The following DNAAF11 variants were observed in gnomAD, a reference collection of about 807,000 sequenced individuals.
DNAAF11 encodes the protein dynein axonemal assembly factor 11, also known as leucine rich repeat containing 6.
Under a neutral mutation model 60.8 loss-of-function variants are expected in DNAAF11, and 45 were observed. The ratio of observed to expected loss-of-function variants is 0.74; its 90% CI spans 0.58 to 0.95. DNAAF11 has a LOEUF of 0.95. Ranked by LOEUF, DNAAF11 falls within the 40% of genes least tolerant of loss-of-function variation. The probability of loss-of-function intolerance (pLI) is 0.00; values close to 1 mark genes in which losing one functional copy is unlikely to be tolerated. For missense variants in DNAAF11, 546 were observed against 546.2 expected, an observed-to-expected ratio of 1.00 and a Z score of 0.00; for synonymous variants, 191 against 183.5, an observed-to-expected ratio of 1.04 and a Z score of -0.33.
chr8:132,674,412 G>C lies in DNAAF11; in HGVS notation c.10+1072C>G, dbSNP rs529877752. On this transcript the variant is annotated intron_variant, in intron 1 of 11. Coordinates refer to ENST00000620350, the MANE Select transcript of DNAAF11 (RefSeq NM_012472.6). ...TCCAGGGCAGAAAGCCCATCATCTGGAGCAGTCTCTTGATTTAAAAAAAGT... is the reference window on the plus strand; with the variant it reads ...TCCAGGGCAGAAAGCCCATCATCTGCAGCAGTCTCTTGATTTAAAAAAAGT... 2.6e-5 allele frequency among the ~76,000 whole-genome samples: 4 copies of C among 152,210 alleles called. No homozygotes were observed. The South Asian group carries it at 8.3e-4, about 32-fold the overall frequency.
chr8:132,696,900 T>G, the DNAAF11 span, among the ~76,000 whole-genome samples: 1 of 151,618 alleles, frequency 6.6e-6, no homozygotes, highest in Non-Finnish European at 1.5e-5. Context: ...GGGTAGAGGG[T>G]GGGAGGAGGG....
At chr8:132,632,716 A>C in intron 5 of DNAAF11, 24 bp downstream of exon 5, 1 of 1,523,220 alleles carries the variant, frequency 6.6e-7, no homozygotes, top group Non-Finnish European at 9.1e-7. Context: ...AGTTAACTAG[A>C]AAGTAAACTA....
rs4498523 is a variant in DNAAF11 at position 132,606,478 on chromosome 8, C to A, written c.1140+3688G>T. ...AAAAGTAAACAAATAAAATATTAAACTATTTTTATTTTTCGAGACAGGGTC... is the reference window on the plus strand; with the variant it reads ...AAAAGTAAACAAATAAAATATTAAAATATTTTTATTTTTCGAGACAGGGTC... On this transcript the variant is annotated intron_variant, in intron 10 of 11. Coordinates refer to ENST00000620350, the MANE Select transcript of DNAAF11 (RefSeq NM_012472.6). 3.8e-3 allele frequency among the ~76,000 whole-genome samples: 572 copies of A among 152,160 alleles called. 2 individuals carry two copies. Among genetic ancestry groups the A allele is most frequent in the African/African-American group, 0.013 (545 of 41,512 alleles).
At chr8:132,595,308 T>G (rs1270986650) in intron 10 of DNAAF11, among the ~76,000 whole-genome samples, 1 of 140,368 alleles carries the variant, frequency 7.1e-6, no homozygotes, top group Non-Finnish European at 1.5e-5. Flanking sequence ...AGAACCTTTT[T>G]GGAATTTTTT....
the DNAAF11 span, among the ~76,000 whole-genome samples, chr8:132,682,752 G>A: frequency 4.6e-5 from 7 of 152,280 alleles, no homozygotes; most frequent in East Asian, 1.9e-4. Context: ...TACTTATTTG[G>A]TTCATGATTC....
chr8:132,618,403 T>G (rs1295144671), intron 7 of DNAAF11, among the ~76,000 whole-genome samples: 2 of 105,440 alleles, frequency 1.9e-5, no homozygotes, highest in Admixed American at 1.1e-4. Flanking sequence ...ACTTCATGTC[T>G]AAAACACCAA....
At position 132,572,284 on chromosome 8, in the gene DNAAF11, A is replaced by G; in HGVS notation, c.*22T>C. 1 of 1,607,918 alleles carries G rather than the reference A, an allele frequency of 6.2e-7. No individual in the cohort carries two copies. ...AAACTGGACCTGGTGGGTCTCAGCCAATGGCAACGCAGCCAGATGTTTCAA... is the reference window on the plus strand; with the variant it reads ...AAACTGGACCTGGTGGGTCTCAGCCGATGGCAACGCAGCCAGATGTTTCAA... On this transcript the variant is annotated 3_prime_UTR_variant, in exon 12 of 12. Transcript: ENST00000620350.
At chr8:132,666,573 C>T (rs965203741) in intron 1 of DNAAF11, among the ~76,000 whole-genome samples, 8 of 152,108 alleles carry the variant, frequency 5.3e-5, no homozygotes, top group Non-Finnish European at 1.0e-4. Context: ...AGGAGAAGCA[C>T]CCAACCCAGC....
intron 10 of DNAAF11, among the ~76,000 whole-genome samples, chr8:132,599,316 A>T (rs1234896979): frequency 6.6e-6 from 1 of 152,142 alleles, no homozygotes; most frequent in Admixed American, 6.5e-5. Flanking sequence ...CAGGACCAGA[A>T]AGATTCACAG....
upstream of DNAAF11, chr8:132,675,731 C>T: frequency 7.2e-6 from 3 of 416,732 alleles, no homozygotes; most frequent in African/African-American, 6.1e-5. Context: ...CAAACCCAGT[C>T]TTCGTCCTCG....
At chr8:132,657,252 T>G (rs1266837132) in intron 2 of DNAAF11, among the ~76,000 whole-genome samples, 1 of 152,138 alleles carries the variant, frequency 6.6e-6, no homozygotes, top group Non-Finnish European at 1.5e-5. Flanking sequence ...GCCATGGCAG[T>G]CTTTTGGCAA....
intron 11 of DNAAF11, chr8:132,578,594 T>C: frequency 1.3e-6 from 1 of 786,788 alleles, no homozygotes; most frequent in Non-Finnish European, 2.1e-6. Flanking sequence ...AATCACTAAG[T>C]GCAAAACACA....
the DNAAF11 span, among the ~76,000 whole-genome samples, chr8:132,683,591 G>A: frequency 2.6e-5 from 4 of 152,284 alleles, no homozygotes; most frequent in East Asian, 7.7e-4. Flanking sequence ...GTGCCCCTGG[G>A]GGTGAAGGCA....
intron 10 of DNAAF11, among the ~76,000 whole-genome samples, chr8:132,590,363 G>C (rs530429180): frequency 6.6e-6 from 1 of 152,318 alleles, no homozygotes; most frequent in South Asian, 2.1e-4. Flanking sequence ...CTTTCCAGGT[G>C]ACCTTGGTGT....
chr8:132,658,507 G>C (rs951310842), intron 2 of DNAAF11, among the ~76,000 whole-genome samples: 1 of 152,058 alleles, frequency 6.6e-6, no homozygotes, highest in Non-Finnish European at 1.5e-5. Context: ...ATTTTTAGTA[G>C]AGATGGGGTT....
intron 4 of DNAAF11, among the ~76,000 whole-genome samples, chr8:132,635,653 T>G (rs1004078455): frequency 6.6e-6 from 1 of 152,154 alleles, no homozygotes; most frequent in African/African-American, 2.4e-5. Flanking sequence ...TAATCCCCAG[T>G]AGCTCAAATC....
At chr8:132,697,463 CA>C in the DNAAF11 span, among the ~76,000 whole-genome samples, 2 of 151,920 alleles carry the variant, frequency 1.3e-5, no homozygotes, top group Non-Finnish European at 2.9e-5. Context: ...ACTAAAATTA[CA>C]AAAATTAGCT....
intron 1 of DNAAF11, among the ~76,000 whole-genome samples, chr8:132,674,774 G>A (rs1430246092): frequency 6.6e-6 from 1 of 152,210 alleles, no homozygotes; most frequent in Non-Finnish European, 1.5e-5. Flanking sequence ...TGTAATCCCA[G>A]CTACTCAGGT....
intron 4 of DNAAF11, among the ~76,000 whole-genome samples, chr8:132,633,584 G>C (rs1436670365): frequency 6.6e-6 from 1 of 152,162 alleles, no homozygotes. Flanking sequence ...ATTTAGGAAG[G>C]GGTGGTTGGA....
Sources: allele counts gnomAD v4.1 joint callset (sites outside exome capture counted in the v4.1 genomes callset), GRCh38; gene constraint gnomAD v4.1.1; transcripts MANE v1.5; gene names NCBI Gene and HGNC (gene_info 2026-07-23, HGNC 2026-07-21).